Variants in PROX1 observed in about 807,000 individuals in gnomAD.
PROX1 encodes the protein prospero homeobox protein 1.
In PROX1, 7 loss-of-function variants were observed where a neutral mutation model predicts 58.8. That is an observed-to-expected ratio of 0.12 (90% CI 0.07 to 0.22). The LOEUF is 0.22. PROX1 is among the 10% of genes least tolerant of loss of function. PROX1 has a pLI of 1.00. For synonymous variants in PROX1, 350 were observed against 358.3 expected, an observed-to-expected ratio of 0.98 and a Z score of 0.26; for missense variants, 675 against 927.8, an observed-to-expected ratio of 0.73 and a Z score of 3.54.
At chr1:214,026,998 A>G (rs1256530777) in intron 4 of PROX1, among the ~76,000 whole-genome samples, 2 of 152,160 alleles carry the variant, frequency 1.3e-5, no homozygotes, top group Non-Finnish European at 2.9e-5. Flanking sequence ...CAGCATTTAT[A>G]AGGGCTGGTG....
chr1:214,008,297 T>C (rs1359258723), intron 3 of PROX1, among the ~76,000 whole-genome samples: 3 of 152,078 alleles, frequency 2.0e-5, no homozygotes, highest in Admixed American at 6.6e-5. Flanking sequence ...TCAAATGATC[T>C]GCCTGCCTTG....
chr1:214,028,590 C>T (rs1278052172), intron 4 of PROX1, among the ~76,000 whole-genome samples: 1 of 152,184 alleles, frequency 6.6e-6, no homozygotes, highest in African/African-American at 2.4e-5. Context: ...GTGAATGCTT[C>T]CCAGGAATTA....
chr1:213,995,635 A>G (rs1173822293), intron 1 of PROX1, among the ~76,000 whole-genome samples: 1 of 152,108 alleles, frequency 6.6e-6, no homozygotes, highest in African/African-American at 2.4e-5. Flanking sequence ...CCTCATATTG[A>G]TTTCTAAAAT....
intron 4 of PROX1, among the ~76,000 whole-genome samples, chr1:214,013,833 C>G (rs903231760): frequency 1.3e-5 from 2 of 152,136 alleles, no homozygotes; most frequent in African/African-American, 4.8e-5. Flanking sequence ...GTATGGGGCC[C>G]GGGCAGGAAT....
intron 1 of PROX1, among the ~76,000 whole-genome samples, chr1:213,995,572 G>T (rs977141503): frequency 6.6e-6 from 1 of 151,912 alleles, no homozygotes; most frequent in African/African-American, 2.4e-5. Flanking sequence ...TAAACAGAAG[G>T]AAACTAGTCC....
intron 4 of PROX1, among the ~76,000 whole-genome samples, chr1:214,024,232 AG>A (rs895483231): frequency 3.9e-5 from 6 of 152,220 alleles, no homozygotes; most frequent in Non-Finnish European, 8.8e-5. Context: ...GGGATTCCAA[AG>A]CCCTTCACAA....
chr1:214,002,852 C>A (rs1004652096), intron 2 of PROX1, among the ~76,000 whole-genome samples: 1 of 152,106 alleles, frequency 6.6e-6, no homozygotes, highest in Non-Finnish European at 1.5e-5. Flanking sequence ...CTAACTGTTG[C>A]CTTTTAAATG....
chr1:214,007,051 A>C (rs986097882), intron 3 of PROX1, among the ~76,000 whole-genome samples: 3 of 152,162 alleles, frequency 2.0e-5, no homozygotes, highest in African/African-American at 7.2e-5. Flanking sequence ...TTTTTGTGAG[A>C]GTTCAAGCAT....
intron 4 of PROX1, among the ~76,000 whole-genome samples, chr1:214,020,495 C>G (rs1046983103): frequency 4.6e-5 from 7 of 152,170 alleles, no homozygotes; most frequent in Admixed American, 2.0e-4. Flanking sequence ...TTGGAAACAG[C>G]TAAAACATTT....
At chr1:213,986,709 C>T (rs1188543381), upstream of PROX1, among the ~76,000 whole-genome samples, 3 of 152,196 alleles carry the variant, frequency 2.0e-5, no homozygotes, top group Non-Finnish European at 4.4e-5. Context: ...AATGTTTCTG[C>T]TTCGCAGCTC....
In PROX1 at chr1:214,038,396, T is replaced by A. The variant is rs1664898223; in HGVS notation, c.*2562T>A. ...ATTCCTATTTAACAGTTTGATTTTTTTTTTTTAATCACCATCTTTCAAATC... is the reference window on the plus strand; with the variant it reads ...ATTCCTATTTAACAGTTTGATTTTTATTTTTTAATCACCATCTTTCAAATC... On this transcript the variant is annotated 3_prime_UTR_variant, in exon 5 of 5. Coordinates refer to ENST00000366958, the MANE Select transcript of PROX1 (RefSeq NM_001270616.2). The A allele has an allele frequency of 6.6e-6, 1 of 152,232 alleles. No homozygotes were observed. Among genetic ancestry groups the A allele is most frequent in the Admixed American group, 6.5e-5 (1 of 15,284 alleles). 9.4% of individuals were successfully genotyped at this position (152,232 alleles called of 1,614,324 possible).
intron 2 of PROX1, among the ~76,000 whole-genome samples, chr1:214,000,382 A>G (rs1316232575): frequency 1.3e-5 from 2 of 152,210 alleles, no homozygotes; most frequent in Non-Finnish European, 1.5e-5. Context: ...TTTTATTTTG[A>G]TACATATCAA....
chr1:213,990,240 C>A (rs1662979189), intron 1 of PROX1, among the ~76,000 whole-genome samples: 1 of 151,296 alleles, frequency 6.6e-6, no homozygotes, highest in South Asian at 2.1e-4. Context: ...CAGGGCCTGA[C>A]AGGTGTGTTG....
chr1:213,989,511 C>T (rs950327177), intron 1 of PROX1, among the ~76,000 whole-genome samples: 3 of 151,844 alleles, frequency 2.0e-5, no homozygotes, highest in African/African-American at 4.8e-5. Flanking sequence ...TGGTACCTAC[C>T]GTTTTGCCCC....
intron 2 of PROX1, among the ~76,000 whole-genome samples, chr1:213,998,510 T>C (rs1342364329): frequency 1.3e-5 from 2 of 152,314 alleles, no homozygotes; most frequent in East Asian, 1.9e-4. Context: ...CTATTTAATA[T>C]GTGCTTTCTC....
rs568011232 is a variant in PROX1 at position 214,037,612 on chromosome 1, G to A, written c.*1778G>A. On this transcript the variant is annotated 3_prime_UTR_variant, in exon 5 of 5. Transcript: ENST00000366958. ...CCTATGATGCCCTGCACCATCCAGG[G>A]GACTAACAGGGCCTCGCAGTGTAGA... 1 of 152,232 alleles carries A rather than the reference G, an allele frequency of 6.6e-6. No homozygotes were observed. The highest frequency in any genetic ancestry group is 2.4e-5 in the African/African-American group (1 of 41,518). The allele number at this position is 152,232 out of a possible 1,614,324, so 9.4% of individuals were successfully genotyped here.
At chr1:213,990,905 G>A (rs939562720) in intron 1 of PROX1, among the ~76,000 whole-genome samples, 7 of 152,122 alleles carry the variant, frequency 4.6e-5, no homozygotes, top group South Asian at 2.1e-4. Flanking sequence ...GCCTGTCATT[G>A]TCCCAGACAT....
intron 4 of PROX1, among the ~76,000 whole-genome samples, chr1:214,035,421 G>A (rs770475731): frequency 1.3e-4 from 20 of 152,272 alleles, no homozygotes; most frequent in East Asian, 3.9e-4. Flanking sequence ...ATAGGTCTGC[G>A]TTGGATCTTT....
At chr1:214,030,855 T>C (rs1664624165) in intron 4 of PROX1, 1 of 152,398 alleles carries the variant, frequency 6.6e-6, no homozygotes, top group South Asian at 2.1e-4. Context: ...GCAGGCAGCC[T>C]GCTATGTCAG....
Sources: allele counts gnomAD v4.1 joint callset (sites outside exome capture counted in the v4.1 genomes callset), GRCh38; gene constraint gnomAD v4.1.1; transcripts MANE v1.5; gene names NCBI Gene and HGNC (gene_info 2026-07-23, HGNC 2026-07-21).